Variants in SPG11 observed in about 807,000 individuals in gnomAD.
SPG11 encodes SPG11 vesicle trafficking associated, spatacsin, also known as spatacsin.
Under a neutral mutation model 274.0 loss-of-function variants are expected in SPG11, and 222 were observed. The ratio of observed to expected loss-of-function variants is 0.81; its 90% CI spans 0.73 to 0.91. SPG11 has a LOEUF of 0.91. Among genes scored for constraint, SPG11 ranks in the 40% least tolerant of loss-of-function variants. The pLI is 0.00. For missense variants in SPG11, 3,114 were observed against 2,872.7 expected, an observed-to-expected ratio of 1.08 and a Z score of -1.92; for synonymous variants, 1,144 against 1,039.7, an observed-to-expected ratio of 1.10 and a Z score of -1.93.
At chr15:44,625,029 G>A (rs987650388) in intron 11 of SPG11, among the ~76,000 whole-genome samples, 1 of 151,822 alleles carries the variant, frequency 6.6e-6, no homozygotes, top group Non-Finnish European at 1.5e-5. Flanking sequence ...CAGCTACTCA[G>A]GAAGCTGACG....
At chr15:44,621,990 T>G in intron 13 of SPG11, 56 bp from the exon 14 acceptor site, 1 of 1,351,312 alleles carries the variant, frequency 7.4e-7, no homozygotes, top group Non-Finnish European at 1.0e-6. Context: ...AAGGCATCAT[T>G]CCTTTTTATC....
At chr15:44,589,478 A>G in intron 27 of SPG11, 64 bp from the exon 28 acceptor site, 1 of 1,597,194 alleles carries the variant, frequency 6.3e-7, no homozygotes, top group Middle Eastern at 1.7e-4. Flanking sequence ...CAAAACCTCC[A>G]AATCTGGGAA....
chr15:44,654,234 G>A (rs1006925042), intron 4 of SPG11, among the ~76,000 whole-genome samples: 1 of 152,126 alleles, frequency 6.6e-6, no homozygotes. Flanking sequence ...AATTGGCTGG[G>A]CACAGTGGCT....
rs1043531606 is a variant in SPG11 at position 44,621,988 on chromosome 15, A to C, written c.2445-54T>G. On this transcript the variant is annotated intron_variant, in intron 13 of 39. Transcript: ENST00000261866. ...TTTTAATTTTGGAGAAAAAGGCATC[A>C]TTCCTTTTTATCTGCTCAAGAACAT... is the stretch of plus-strand genomic sequence containing the variant. 5 of 1,383,718 alleles carry C rather than the reference A, an allele frequency of 3.6e-6. No homozygotes were observed. The African/African-American group carries it at 7.3e-5, about 20-fold the overall frequency. 85.7% of individuals were successfully genotyped at this position (1,383,718 alleles called of 1,614,324 possible).
At chr15:44,585,428 T>TCC (rs2082736843) in intron 29 of SPG11, among the ~76,000 whole-genome samples, 1 of 11,806 alleles carries the variant, frequency 8.5e-5, no homozygotes, top group Non-Finnish European at 1.7e-4. Context: ...CTACTAAAAA[T>TCC]ACAAAAAAAA....
chr15:44,603,278 A>G (rs879839909), intron 20 of SPG11, among the ~76,000 whole-genome samples: 11 of 152,136 alleles, frequency 7.2e-5, no homozygotes, highest in Admixed American at 7.2e-4. Flanking sequence ...TTTTTTGTAG[A>G]GACAGTGTCT....
At chr15:44,600,746 T>A in intron 20 of SPG11, 114 bp from the exon 21 acceptor site, 1 of 1,129,686 alleles carries the variant, frequency 8.9e-7, no homozygotes, top group Non-Finnish European at 1.3e-6. Context: ...TTTGCATCAC[T>A]ACGTATCACT....
At chr15:44,586,830 G>C (rs2140952281) in intron 28 of SPG11, among the ~76,000 whole-genome samples, 1 of 152,234 alleles carries the variant, frequency 6.6e-6, no homozygotes, top group South Asian at 2.1e-4. Context: ...CTGATTTAGT[G>C]GTCATTTGTT....
In SPG11 at chr15:44,606,073, G is replaced by A. The variant is rs750011115; in HGVS notation, c.3472C>T (p.Pro1158Ser). Residue 1158 changes from proline to serine, a missense_variant, in exon 20 of 40, where the codon CCT becomes TCT. Physicochemically the swap from Pro to Ser is moderately conservative, Grantham distance 74 (BLOSUM62 -1). Coordinates refer to ENST00000261866, the MANE Select transcript of SPG11 (RefSeq NM_025137.4). ...HLIQSLSPFDPSRLFGWQSAN... is the reference protein window; with the variant it reads ...HLIQSLSPFDSSRLFGWQSAN... ...GACTGCCAGCCAAACAATCTGCTAG[G>A]ATCAAAGGGTGATAATGACTGAAAA... 1.2e-6 allele frequency: 2 copies of A among 1,613,638 alleles called. No individual in the cohort carries two copies. The highest frequency in any genetic ancestry group is 2.2e-5 in the South Asian group (2 of 91,052).
chr15:44,570,606 C>T lies in SPG11; in HGVS notation c.6396G>A (p.Met2132Ile). Residue 2132 changes from methionine to isoleucine, a missense_variant, in exon 34 of 40, where the codon ATG becomes ATA. By Grantham distance (10) the Met-to-Ile change is conservative (BLOSUM62 1). Coordinates refer to ENST00000261866, the MANE Select transcript of SPG11 (RefSeq NM_025137.4). ...AHHCFTLTCH[M>I]EGIIRVLQAA... ...CCTGTAGGACTCGGATGATGCCCTC[C>T]ATGTGGCACGTCAGGGTGAAGCAAT... 1.2e-6 allele frequency: 2 copies of T among 1,614,128 alleles called. No homozygotes were observed. Among genetic ancestry groups the T allele is most frequent in the Non-Finnish European group, 1.7e-6 (2 of 1,180,006 alleles).
chr15:44,589,347 A>C lies in SPG11; in HGVS notation c.4811T>G (p.Phe1604Cys). The stretch of plus-strand genomic sequence containing the variant: ...CTGCTGTAGCATAAGCTTCAAAAGG[A>C]AACACACCTGATCCTCCAGCCACAT... ...PAMWLEDQVC[F>C]LLKLMLQQCK... is the part of the protein sequence containing the mutation. The change falls in exon 28 of 40, where the codon TTC becomes TGC. Residue 1604 changes from phenylalanine (F) to cysteine (C), a missense_variant. Phe to Cys is a radical substitution (Grantham distance 205). Coordinates refer to ENST00000261866, the MANE Select transcript of SPG11 (RefSeq NM_025137.4). 1.2e-6 allele frequency: 2 copies of C among 1,614,168 alleles called. No individual in the cohort carries two copies. Among genetic ancestry groups the C allele is most frequent in the Non-Finnish European group, 1.7e-6 (2 of 1,179,998 alleles).
At chr15:44,597,220 T>A (rs891072097) in intron 23 of SPG11, 1 of 334,526 alleles carries the variant, frequency 3.0e-6, no homozygotes, top group Non-Finnish European at 5.8e-6. Flanking sequence ...TTCAAGCAGT[T>A]CTCCTGTCTC....
At chr15:44,566,370 C>T (rs2082309498) in intron 36 of SPG11, 65 bp from the exon 37 acceptor site, 17 of 1,490,662 alleles carry the variant, frequency 1.1e-5, no homozygotes, top group Non-Finnish European at 1.5e-5. Context: ...TCATCCCACT[C>T]ATTGTGATCG....
chr15:44,614,736 A>T (rs1418137990), intron 16 of SPG11, among the ~76,000 whole-genome samples: 2 of 152,206 alleles, frequency 1.3e-5, no homozygotes, highest in Non-Finnish European at 2.9e-5. Flanking sequence ...GTTTTTGTGA[A>T]GATTAAATGA....
At chr15:44,594,715 T>C (rs935823419) in intron 26 of SPG11, among the ~76,000 whole-genome samples, 1 of 152,028 alleles carries the variant, frequency 6.6e-6, no homozygotes, top group Non-Finnish European at 1.5e-5. Flanking sequence ...GTGAGCCTTA[T>C]TATGACACTG....
chr15:44,642,365 A>C (rs1482036943), intron 7 of SPG11, among the ~76,000 whole-genome samples: 8 of 110,506 alleles, frequency 7.2e-5, no homozygotes, highest in Admixed American at 6.4e-4. Flanking sequence ...ACTCCATCTC[A>C]AAAAAAAAAA....
intron 30 of SPG11, among the ~76,000 whole-genome samples, chr15:44,580,777 G>A (rs1043308112): frequency 2.0e-5 from 3 of 152,198 alleles, no homozygotes; most frequent in African/African-American, 4.8e-5. Flanking sequence ...GTGACAAAGC[G>A]AGACTCCGTC....
Position 44,620,203 on chromosome 15 carries a change from C to G in SPG11, c.2821G>C (p.Asp941His), listed in dbSNP as rs767177124. ...CAGTTATAATACCTGGCCAGCTTATCTAAAATTTCATTCCTCATGTAGTTG... is the reference window on the plus strand; with the variant it reads ...CAGTTATAATACCTGGCCAGCTTATGTAAAATTTCATTCCTCATGTAGTTG... ...CNNYMRNEIL[D>H]KLARNGVFLA... is the part of the protein sequence containing the mutation. Residue 941 changes from aspartate to histidine, a missense_variant, in exon 15 of 40, where the codon GAT (aspartate) becomes CAT (histidine). Physicochemically the swap from Asp to His is moderately conservative, Grantham distance 81. Coordinates refer to ENST00000261866, the MANE Select transcript of SPG11 (RefSeq NM_025137.4). 3.1e-6 allele frequency: 5 copies of G among 1,613,482 alleles called. No individual in the cohort carries two copies. The highest frequency in any genetic ancestry group is 1.7e-6 in the Non-Finnish European group (2 of 1,179,650).
At chr15:44,649,163 C>T in intron 6 of SPG11, 152 bp from the exon 7 acceptor site, 1 of 704,082 alleles carries the variant, frequency 1.4e-6, no homozygotes, top group Non-Finnish European at 2.3e-6. Context: ...GATCTTAACT[C>T]ATCATGGTTT....
Sources: gnomAD v4.1 joint callset for allele counts (sites outside exome capture counted in the v4.1 genomes callset) on GRCh38, gnomAD v4.1.1 for gene constraint, MANE v1.5 for transcripts, NCBI Gene and HGNC (gene_info 2026-07-23, HGNC 2026-07-21) for gene names.